Variants in PALM2AKAP2 observed in about 807,000 individuals in gnomAD.
The protein encoded by PALM2AKAP2 is PALM2 and AKAP2 fusion, also known as PALM2-AKAP2 fusion protein.
In PALM2AKAP2, 37 loss-of-function variants were observed where a neutral mutation model predicts 71.5. That is an observed-to-expected ratio of 0.52 (90% CI 0.40 to 0.68). PALM2AKAP2 has a LOEUF of 0.68. Among genes scored for constraint, PALM2AKAP2 ranks in the 30% least tolerant of loss-of-function variants. The probability of loss-of-function intolerance (pLI) is 0.00; values close to 1 mark genes in which losing one functional copy is unlikely to be tolerated. For missense variants in PALM2AKAP2, 1,224 were observed against 1,191.8 expected (o/e 1.03, Z -0.40); for synonymous variants, 468 against 478.8 (o/e 0.98, Z 0.29).
At chr9:110,092,124 G>A (rs991217450) in intron 1 of PALM2AKAP2, among the ~76,000 whole-genome samples, 2 of 152,194 alleles carry the variant, frequency 1.3e-5, no homozygotes, top group Non-Finnish European at 2.9e-5. Context: ...CTGAGGTCAG[G>A]AGTTCAAGAT....
chr9:109,931,909 C>G lies in PALM2AKAP2; in HGVS notation c.395-18C>G, dbSNP rs781754956. ...CCCAACACTGTGACTAATTGTATTC[C>G]CTGTTCTCTGCTACCAGATGCAGTA... On this transcript the variant is annotated intron_variant, in intron 5 of 9. Transcript: ENST00000302798. The G allele has an allele frequency of 4.3e-6, 7 of 1,612,600 alleles. No homozygotes were observed. In the African/African-American group the frequency reaches 9.3e-5, roughly 22 times the overall value.
chr9:109,816,800 A>T (rs1350183558), intron 1 of PALM2AKAP2, among the ~76,000 whole-genome samples: 1 of 152,190 alleles, frequency 6.6e-6, no homozygotes, highest in Non-Finnish European at 1.5e-5. Flanking sequence ...GACTTTTTCC[A>T]TGAGGGCAGA....
intron 1 of PALM2AKAP2, among the ~76,000 whole-genome samples, chr9:109,750,913 A>G (rs1024201507): frequency 2.0e-5 from 3 of 152,112 alleles, no homozygotes; most frequent in African/African-American, 7.2e-5. Context: ...TGAGGCAAAA[A>G]GTGCAATTCA....
rs534257373 is a variant in PALM2AKAP2 at position 110,035,913 on chromosome 9, G to GAT, written c.582+19883_582+19884dup. On this transcript the variant is annotated intron_variant, in intron 7 of 9. Coordinates refer to the PALM2AKAP2 transcript ENST00000302798. ...TGTGTGTTATATATAACATATATAT[G>GAT]ATATATATATTGTTTTGGTGAGTTG... 1.6e-3 allele frequency among the ~76,000 whole-genome samples: 234 copies of GAT among 149,774 alleles called. 4 individuals are homozygous for GAT. The South Asian group carries it at 0.044, about 28-fold the overall frequency.
chr9:109,715,757 G>A (rs1338068165), intron 1 of PALM2AKAP2, among the ~76,000 whole-genome samples: 1 of 152,202 alleles, frequency 6.6e-6, no homozygotes, highest in African/African-American at 2.4e-5. Context: ...ACTCATTGTA[G>A]CCCCAGTTGT....
intron 1 of PALM2AKAP2, among the ~76,000 whole-genome samples, chr9:109,794,056 G>C (rs563279684): frequency 1.3e-5 from 2 of 152,272 alleles, no homozygotes; most frequent in South Asian, 4.1e-4. Context: ...GGCTCCAGGA[G>C]CCTTTTATCT....
intron 6 of PALM2AKAP2, among the ~76,000 whole-genome samples, chr9:109,991,746 T>G (rs1832486778): frequency 6.6e-6 from 1 of 152,168 alleles, no homozygotes; most frequent in South Asian, 2.1e-4. Context: ...GCTCTATGGC[T>G]GCAGACATCA....
At chr9:109,726,684 T>A (rs77699343) in intron 1 of PALM2AKAP2, among the ~76,000 whole-genome samples, 6,605 of 152,304 alleles carry the variant, frequency 0.043, 194 homozygotes, top group Non-Finnish European at 0.053. Flanking sequence ...CCATTATAGC[T>A]TACTCTCCCA....
At chr9:110,016,861 T>C (rs567817698) in intron 7 of PALM2AKAP2, among the ~76,000 whole-genome samples, 2 of 152,342 alleles carry the variant, frequency 1.3e-5, no homozygotes, top group South Asian at 4.1e-4. Flanking sequence ...TGTCTTATTT[T>C]ATATAGAGCT....
chr9:109,664,736 G>C (rs1262948083), intron 1 of PALM2AKAP2, among the ~76,000 whole-genome samples: 1 of 152,206 alleles, frequency 6.6e-6, no homozygotes, highest in Non-Finnish European at 1.5e-5. Flanking sequence ...GTGTTGGCCT[G>C]CCTTGCTATG....
chr9:109,952,546 A>G (rs1831663597), intron 6 of PALM2AKAP2, among the ~76,000 whole-genome samples: 1 of 152,228 alleles, frequency 6.6e-6, no homozygotes, highest in South Asian at 2.1e-4. Context: ...TAAGATTGAC[A>G]AGAGTTTCAA....
intron 6 of PALM2AKAP2, among the ~76,000 whole-genome samples, chr9:109,934,046 A>G (rs377452348): frequency 2.6e-5 from 4 of 152,258 alleles, no homozygotes; most frequent in African/African-American, 9.6e-5. Flanking sequence ...ACTGAGTAGT[A>G]TAACAAATAT....
chr9:109,944,512 T>A (rs979299246), intron 6 of PALM2AKAP2: 7 of 151,950 alleles, frequency 4.6e-5, no homozygotes, highest in African/African-American at 1.7e-4. Flanking sequence ...TCTGGCCCCA[T>A]GAGAAAGAGA....
chr9:110,133,091 C>T (rs1050463165), intron 1 of PALM2AKAP2, among the ~76,000 whole-genome samples: 1 of 152,080 alleles, frequency 6.6e-6, no homozygotes, highest in Non-Finnish European at 1.5e-5. Context: ...ACAACTATTT[C>T]TAGTTCAAAA....
At chr9:109,802,070 A>G (rs1827446387) in intron 1 of PALM2AKAP2, among the ~76,000 whole-genome samples, 3 of 152,232 alleles carry the variant, frequency 2.0e-5, no homozygotes, top group South Asian at 2.1e-4. Flanking sequence ...GAGTCTGTGT[A>G]TGCAAATATA....
intron 6 of PALM2AKAP2, among the ~76,000 whole-genome samples, chr9:110,010,007 T>A (rs1266669025): frequency 1.3e-5 from 2 of 152,258 alleles, no homozygotes; most frequent in Non-Finnish European, 2.9e-5. Flanking sequence ...AATTGGAGCC[T>A]GGGCTAATGG....
intron 1 of PALM2AKAP2, among the ~76,000 whole-genome samples, chr9:109,851,536 C>T (rs936116817): frequency 6.6e-6 from 1 of 152,148 alleles, no homozygotes; most frequent in Non-Finnish European, 1.5e-5. Flanking sequence ...ATGTTATCTA[C>T]CTGGTGATAG....
At chr9:109,999,553 G>C (rs1311336109) in intron 6 of PALM2AKAP2, among the ~76,000 whole-genome samples, 1 of 151,874 alleles carries the variant, frequency 6.6e-6, no homozygotes, top group Non-Finnish European at 1.5e-5. Context: ...TTTCTCCTTC[G>C]GCACTCTCTG....
exon 7 of PALM2AKAP2, chr9:110,015,985 A>C (rs759066171): frequency 6.2e-7 from 1 of 1,613,952 alleles, no homozygotes; most frequent in Non-Finnish European, 8.5e-7. Context: ...TGCTAAAGGA[A>C]GGTGAGTCAG....
Sources: allele counts gnomAD v4.1 joint callset (sites outside exome capture counted in the v4.1 genomes callset), GRCh38; gene constraint gnomAD v4.1.1; transcripts MANE v1.5; gene names NCBI Gene and HGNC (gene_info 2026-07-23, HGNC 2026-07-21).